FKBP9: variants seen among roughly 807,000 people sequenced by gnomAD.
FKBP9 encodes the protein peptidyl-prolyl cis-trans isomerase FKBP9.
In FKBP9, 27 loss-of-function variants were observed where a neutral mutation model predicts 55.6. That is an observed-to-expected ratio of 0.49 (90% CI 0.36 to 0.67). The LOEUF (loss-of-function observed/expected upper bound fraction) is 0.67, where lower values mean the gene tolerates loss of function less well. FKBP9 is among the 30% of genes least tolerant of loss of function. FKBP9 has a pLI of 0.00. For synonymous variants in FKBP9, 267 were observed against 296.5 expected, an observed-to-expected ratio of 0.90 and a Z score of 1.02; for missense variants, 539 against 742.8, an observed-to-expected ratio of 0.73 and a Z score of 3.19.
chr7:32,958,202 G>A (rs1224908583), intron 1 of FKBP9, among the ~76,000 whole-genome samples: 1 of 152,190 alleles, frequency 6.6e-6, no homozygotes, highest in Non-Finnish European at 1.5e-5. Flanking sequence ...GCTCCCTTGG[G>A]AATCTAGTCA....
chr7:32,986,763 G>A (rs952365309), intron 5 of FKBP9, among the ~76,000 whole-genome samples: 197 of 152,274 alleles, frequency 1.3e-3, no homozygotes, highest in African/African-American at 4.6e-3. Flanking sequence ...GGCCCTGCTC[G>A]GCAGTCCTTC....
At position 32,957,720 on chromosome 7, in the gene FKBP9, C is replaced by T. The variant is rs141599067; in HGVS notation, c.147C>T (p.Arg49=). 2.7e-3 allele frequency: 4,079 copies of T among 1,530,390 alleles called. 31 individuals are homozygous for T. In the Middle Eastern group the frequency reaches 0.034, roughly 13 times the overall value. 94.8% of individuals were successfully genotyped at this position (1,530,390 alleles called of 1,614,324 possible). ...ERRFVPDECP[R]TVRSGDFVRY... ...GCTTCGTGCCCGACGAGTGCCCGCG[C>T]ACCGTGCGCAGCGGCGACTTCGTGC... The change falls in exon 1 of 10, where the codon CGC becomes CGT. Residue 49 remains arginine, a synonymous_variant. Transcript: ENST00000242209.
At chr7:32,958,089 G>T (rs546077602) in intron 1 of FKBP9, among the ~76,000 whole-genome samples, 5 of 152,322 alleles carry the variant, frequency 3.3e-5, no homozygotes, top group Non-Finnish European at 5.9e-5. Context: ...CGCAAAATCA[G>T]TGTAAAATAA....
chr7:32,980,487 A>G lies in FKBP9; in HGVS notation c.827A>G (p.Gln276Arg), dbSNP rs1196629492. 6 of 1,613,918 alleles carry G rather than the reference A, an allele frequency of 3.7e-6. No individual in the cohort carries two copies. The highest frequency in any genetic ancestry group is 5.1e-6 in the Non-Finnish European group (6 of 1,179,860). ...CCTGAAAACTGTGAGCGGATAAGTC[A>G]AAGTGGGGACTTTCTCAGGTATCAT... ...VVPENCERISQSGDFLRYHYN... is the reference protein window; with the variant it reads ...VVPENCERISRSGDFLRYHYN... The change falls in exon 5 of 10, where the codon CAA becomes CGA. Residue 276 changes from glutamine (Q) to arginine (R), a missense_variant. Physicochemically the swap from Gln to Arg is conservative, Grantham distance 43. Around this residue, in one of 4 missense-constraint regions of FKBP9, gnomAD observed 172 missense variants for 205.3 expected, o/e 0.84. Coordinates refer to ENST00000242209, the MANE Select transcript of FKBP9 (RefSeq NM_007270.5).
At chr7:32,977,725 CGGAGCA>C (rs1329517931) in intron 4 of FKBP9, among the ~76,000 whole-genome samples, 2 of 150,546 alleles carry the variant, frequency 1.3e-5, no homozygotes, top group African/African-American at 4.9e-5. Flanking sequence ...CTCTGTGGAG[CGGAGCA>C]GGAGCAGAAG....
At chr7:32,961,917 T>C (rs1320503394) in intron 1 of FKBP9, among the ~76,000 whole-genome samples, 1 of 152,058 alleles carries the variant, frequency 6.6e-6, no homozygotes, top group Non-Finnish European at 1.5e-5. Flanking sequence ...TTCTACATTA[T>C]GGTGAGTTGT....
rs1257252719 is a variant in FKBP9 at position 32,998,227 on chromosome 7, A to C, written c.1226+1878A>C. ...GCTTTTGTGGATCAAGTGAGCTCCT[A>C]AGAGTGAAAATGGTCCATGAGGTTA... On this transcript the variant is annotated intron_variant, in intron 7 of 9. Coordinates refer to ENST00000242209, the MANE Select transcript of FKBP9 (RefSeq NM_007270.5). Among the ~76,000 whole-genome samples the C allele has an allele frequency of 2.0e-5, 3 of 152,064 alleles. No individual in the cohort carries two copies. In the East Asian group the frequency reaches 5.8e-4, roughly 29 times the overall value.
At chr7:32,987,312 G>C (rs1388333891) in intron 5 of FKBP9, among the ~76,000 whole-genome samples, 3 of 151,966 alleles carry the variant, frequency 2.0e-5, no homozygotes, top group Non-Finnish European at 2.9e-5. Flanking sequence ...CCTGGGCAAC[G>C]TGGTGAAACC....
chr7:32,963,478 T>A (rs1784068554), intron 1 of FKBP9: 9 of 528,500 alleles, frequency 1.7e-5, no homozygotes, highest in Non-Finnish European at 2.7e-5. Context: ...TAAGTAGAAA[T>A]TCTAGAGATC....
At position 32,975,369 on chromosome 7, in the gene FKBP9, G is replaced by C. The variant is rs140177604; in HGVS notation, c.555G>C (p.Ser185=). The C allele has an allele frequency of 4.3e-6, 7 of 1,613,290 alleles. No individual in the cohort carries two copies. The highest frequency in any genetic ancestry group is 1.7e-4 in the Middle Eastern group (1 of 6,052). Residue 185 remains serine (S), a splice_region_variant and synonymous_variant, in exon 3 of 10, where the codon TCG becomes TCC. Coordinates refer to ENST00000242209, the MANE Select transcript of FKBP9 (RefSeq NM_007270.5). ...GTFLDGTLFD[S]SHNRMKTYDT... ...TCCTGGACGGAACTCTGTTTGATTC[G>C]AGGTAAGTCCTGTCGTTCATGGCAG...
chr7:32,977,870 C>CATATATAT (rs748298046), intron 4 of FKBP9, among the ~76,000 whole-genome samples: 52 of 124,652 alleles, frequency 4.2e-4, no homozygotes, highest in Middle Eastern at 4.5e-3. Context: ...TATACATGCC[C>CATATATAT]ATATATATAT....
At position 32,957,504 on chromosome 7, in the gene FKBP9, C is replaced by A; in HGVS notation, c.-70C>A. On this transcript the variant is annotated 5_prime_UTR_variant, in exon 1 of 10. Coordinates refer to ENST00000242209, the MANE Select transcript of FKBP9 (RefSeq NM_007270.5). ...ACCCGGTCCACGTTTGCAAACGCAG[C>A]CGAACGCCCAGGCCGACCCGTGCCG... The A allele has an allele frequency of 8.3e-7, 1 of 1,207,944 alleles. No individual in the cohort carries two copies. Among genetic ancestry groups the A allele is most frequent in the Non-Finnish European group, 1.1e-6 (1 of 933,734 alleles). 74.8% of individuals were successfully genotyped at this position (1,207,944 alleles called of 1,614,324 possible). A position where few individuals can be genotyped will look rare whatever the true frequency, so the allele number is the denominator to read the frequency against.
chr7:32,991,563 T>G (rs1784683707), intron 6 of FKBP9, among the ~76,000 whole-genome samples: 1 of 152,068 alleles, frequency 6.6e-6, no homozygotes, highest in Admixed American at 6.5e-5. Context: ...TGGCAAATAT[T>G]TGTGGAAGGA....
intron 1 of FKBP9, among the ~76,000 whole-genome samples, chr7:32,961,016 G>T (rs1784010760): frequency 6.6e-6 from 1 of 152,216 alleles, no homozygotes; most frequent in Admixed American, 6.5e-5. Flanking sequence ...AGTACTAAGT[G>T]GTTGAGTGGA....
At chr7:32,965,884 TAGAG>T (rs376558399) in intron 1 of FKBP9, among the ~76,000 whole-genome samples, 7 of 110,370 alleles carry the variant, frequency 6.3e-5, no homozygotes, top group Non-Finnish European at 1.2e-4. Context: ...TATATATATA[TAGAG>T]AGAGAGAGAG....
In FKBP9 at chr7:33,005,170, T is replaced by A. The variant is rs762090797; in HGVS notation, c.1537-5T>A. ...CATGGTCTTTCCTGTCCCCTTCTTT[T>A]CCAGTTCTCAGAGTACATTCACGCC... On this transcript the variant is annotated splice_polypyrimidine_tract_variant and splice_region_variant and intron_variant, in intron 9 of 9. Coordinates refer to ENST00000242209, the MANE Select transcript of FKBP9 (RefSeq NM_007270.5). 4.3e-6 allele frequency: 7 copies of A among 1,612,580 alleles called. No individual in the cohort carries two copies. Among genetic ancestry groups the A allele is most frequent in the African/African-American group, 1.3e-5 (1 of 74,860 alleles).
In FKBP9 at chr7:32,957,799, C is replaced by T; in HGVS notation, c.221+5C>T. The T allele has an allele frequency of 2.1e-6, 3 of 1,437,916 alleles. No individual in the cohort carries two copies. Among genetic ancestry groups the T allele is most frequent in the Non-Finnish European group, 2.7e-6 (3 of 1,098,576 alleles). The allele number at this position is 1,437,916 out of a possible 1,614,324, so 89.1% of individuals were successfully genotyped here. A position where few individuals can be genotyped will look rare whatever the true frequency, so the allele number is the denominator to read the frequency against. The stretch of plus-strand genomic sequence containing the variant: ...CGGCCAGAAGTTCGACTCCAGGTAC[C>T]GCGCCCTTGGCGCCCGGCGCGGCCT... On this transcript the variant is annotated splice_donor_5th_base_variant and intron_variant, in intron 1 of 9. Coordinates refer to ENST00000242209, the MANE Select transcript of FKBP9 (RefSeq NM_007270.5).
At chr7:32,997,657 A>C (rs6944738) in intron 7 of FKBP9, among the ~76,000 whole-genome samples, 1 of 152,080 alleles carries the variant, frequency 6.6e-6, no homozygotes, top group Non-Finnish European at 1.5e-5. Context: ...GTGAAACCCC[A>C]TCTCTACTAA....
chr7:32,964,250 G>C (rs1254489509), intron 1 of FKBP9, among the ~76,000 whole-genome samples: 1 of 152,204 alleles, frequency 6.6e-6, no homozygotes, highest in Non-Finnish European at 1.5e-5. Context: ...CCCTGGTGAA[G>C]ACTTATTAGC....
Sources: gnomAD v4.1 joint callset for allele counts (sites outside exome capture counted in the v4.1 genomes callset) on GRCh38, gnomAD v4.1.1 for gene constraint, gnomAD v4.1.1 regional missense constraint, MANE v1.5 for transcripts, NCBI Gene and HGNC (gene_info 2026-07-23, HGNC 2026-07-21) for gene names.